The following QTMAN variants were observed in gnomAD, a reference collection of about 807,000 sequenced individuals.
QTMAN encodes the protein tRNA-queuosine alpha-mannosyltransferase.
At chr2:144,206,355 T>C in the QTMAN span, among the ~76,000 whole-genome samples, 4 of 152,200 alleles carry the variant, frequency 2.6e-5, no homozygotes, top group Non-Finnish European at 4.4e-5. Flanking sequence ...CAGACTTATT[T>C]AGTGTAGCAA....
At chr2:144,262,492 C>T in the QTMAN span, among the ~76,000 whole-genome samples, 2 of 150,530 alleles carry the variant, frequency 1.3e-5, no homozygotes, top group African/African-American at 4.9e-5. Flanking sequence ...ATAGCTTGAG[C>T]CCAGGAGTTT....
chr2:144,013,956 T>C, the QTMAN span, among the ~76,000 whole-genome samples: 1 of 152,180 alleles, frequency 6.6e-6, no homozygotes, highest in African/African-American at 2.4e-5. Flanking sequence ...CTGTAAAGTA[T>C]AAAAGTAAAA....
the QTMAN span, among the ~76,000 whole-genome samples, chr2:144,136,304 C>T: frequency 1.7e-3 from 241 of 145,124 alleles, no homozygotes; most frequent in Middle Eastern, 0.01. Flanking sequence ...CCAGCCTGGG[C>T]GACAGAGAGA....
chr2:144,110,862 C>T, the QTMAN span, among the ~76,000 whole-genome samples: 13 of 152,252 alleles, frequency 8.5e-5, no homozygotes, highest in East Asian at 2.5e-3. Flanking sequence ...CTGCAGTCTC[C>T]CTCTGGCACC....
At chr2:144,195,503 T>C in the QTMAN span, among the ~76,000 whole-genome samples, 1 of 152,130 alleles carries the variant, frequency 6.6e-6, no homozygotes, top group Non-Finnish European at 1.5e-5. Context: ...ATCACTACCA[T>C]CTGCCAGCAT....
the QTMAN span, among the ~76,000 whole-genome samples, chr2:144,187,687 C>T: frequency 1.3e-5 from 2 of 152,062 alleles, no homozygotes; most frequent in African/African-American, 2.4e-5. Context: ...CTTTATTTAA[C>T]GGTAACAACA....
chr2:144,141,213 T>TA, the QTMAN span, among the ~76,000 whole-genome samples: 3 of 151,872 alleles, frequency 2.0e-5, no homozygotes, highest in Non-Finnish European at 4.4e-5. Flanking sequence ...CTAGTGGTAG[T>TA]AAAAACAGTT....
chr2:144,082,273 A>G, the QTMAN span, among the ~76,000 whole-genome samples: 2 of 152,322 alleles, frequency 1.3e-5, no homozygotes, highest in South Asian at 2.1e-4. Context: ...ACTTACAAAG[A>G]AAAAAGAGCA....
chr2:144,254,769 C>G, the QTMAN span, among the ~76,000 whole-genome samples: 1 of 152,342 alleles, frequency 6.6e-6, no homozygotes, highest in South Asian at 2.1e-4. Flanking sequence ...AAGCTGTACC[C>G]TGCAAAGCCA....
the QTMAN span, among the ~76,000 whole-genome samples, chr2:144,174,381 A>T: frequency 0.014 from 2,137 of 152,300 alleles, 50 homozygotes; most frequent in African/African-American, 0.049. Context: ...CCCTTCTGTC[A>T]GGAATCGATG....
chr2:143,952,267 T>G, the QTMAN span, among the ~76,000 whole-genome samples: 1 of 151,758 alleles, frequency 6.6e-6, no homozygotes, highest in South Asian at 2.1e-4. Context: ...AGTTGTGCTG[T>G]TTAGACATCT....
the QTMAN span, among the ~76,000 whole-genome samples, chr2:144,332,117 T>C: frequency 2.0e-5 from 3 of 152,126 alleles, no homozygotes; most frequent in Admixed American, 2.0e-4. Context: ...ACGCACGACA[T>C]GTAGGCACCA....
the QTMAN span, chr2:144,178,705 G>T: frequency 3.8e-6 from 1 of 261,498 alleles, no homozygotes; most frequent in Non-Finnish European, 7.5e-6. Context: ...CATCCCCTCA[G>T]GTAGGCCAGG....
At chr2:144,332,612 C>T in the QTMAN span, 1 of 150,670 alleles carries the variant, frequency 6.6e-6, no homozygotes, top group African/African-American at 2.4e-5. Flanking sequence ...CCTCGGCCCG[C>T]CCGCGCAATC....
chr2:144,250,857 C>T, the QTMAN span, among the ~76,000 whole-genome samples: 3 of 151,412 alleles, frequency 2.0e-5, no homozygotes, highest in East Asian at 3.9e-4. Context: ...ACTTACACCA[C>T]GCAACACTTC....
the QTMAN span, among the ~76,000 whole-genome samples, chr2:144,109,449 G>GA: frequency 3.3e-5 from 5 of 152,272 alleles, no homozygotes; most frequent in African/African-American, 1.2e-4. Context: ...AACCCTAGAA[G>GA]AAAACCTAGG....
At chr2:143,962,098 T>C in the QTMAN span, among the ~76,000 whole-genome samples, 1 of 152,186 alleles carries the variant, frequency 6.6e-6, no homozygotes, top group African/African-American at 2.4e-5. Context: ...ACTCTTCACC[T>C]ACAAAGTGCC....
the QTMAN span, among the ~76,000 whole-genome samples, chr2:144,289,006 T>C: frequency 2.0e-5 from 3 of 149,592 alleles, no homozygotes; most frequent in East Asian, 1.9e-4. Flanking sequence ...ATTAAGAAAA[T>C]ATAATTGTTG....
chr2:144,245,782 A>T, the QTMAN span, among the ~76,000 whole-genome samples: 1 of 152,220 alleles, frequency 6.6e-6, no homozygotes, highest in Non-Finnish European at 1.5e-5. Flanking sequence ...TAAGAAGTGT[A>T]ATAAATATAT....
Sources: allele counts gnomAD v4.1 joint callset (sites outside exome capture counted in the v4.1 genomes callset), GRCh38; gene constraint gnomAD v4.1.1; transcripts MANE v1.5; gene names NCBI Gene and HGNC (gene_info 2026-07-23, HGNC 2026-07-21).